ZMYM2: variants seen among roughly 807,000 people sequenced by gnomAD.
The protein encoded by ZMYM2 is zinc finger MYM-type protein 2.
In ZMYM2, 56 loss-of-function variants were observed where a neutral mutation model predicts 162.8. The ratio of observed to expected loss-of-function variants is 0.34; its 90% CI spans 0.28 to 0.43. The LOEUF (loss-of-function observed/expected upper bound fraction) is 0.43. ZMYM2 is among the 20% of genes least tolerant of loss of function. The pLI is 1.00. For missense variants in ZMYM2, 1,275 were observed against 1,621.8 expected (o/e 0.79, Z 3.67); for synonymous variants, 510 against 541.6 (o/e 0.94, Z 0.81).
intron 2 of ZMYM2, among the ~76,000 whole-genome samples, chr13:19,988,926 TC>T (rs1370722182): frequency 1.3e-5 from 2 of 152,244 alleles, no homozygotes; most frequent in African/African-American, 2.4e-5. Flanking sequence ...TATATCATCT[TC>T]CGCTAAGATG....
At chr13:19,908,054 A>G in the ZMYM2 span, among the ~76,000 whole-genome samples, 1 of 152,118 alleles carries the variant, frequency 6.6e-6, no homozygotes, top group Non-Finnish European at 1.5e-5. Context: ...ATGTGAGGCC[A>G]AGGCAGGTGG....
At chr13:20,068,558 CAT>C (rs981918704) in intron 21 of ZMYM2, among the ~76,000 whole-genome samples, 12 of 152,090 alleles carry the variant, frequency 7.9e-5, no homozygotes, top group African/African-American at 1.9e-4. Context: ...AATTCCAAAA[CAT>C]GTGACTCCAG....
the ZMYM2 span, among the ~76,000 whole-genome samples, chr13:19,907,328 A>T: frequency 6.6e-6 from 1 of 152,136 alleles, no homozygotes; most frequent in Non-Finnish European, 1.5e-5. Context: ...TTTGTATGAG[A>T]TGATATGGCA....
chr13:20,081,688 C>A (rs1356407817), intron 21 of ZMYM2, among the ~76,000 whole-genome samples: 1 of 151,802 alleles, frequency 6.6e-6, no homozygotes, highest in Non-Finnish European at 1.5e-5. Context: ...TTAAAATTTA[C>A]ATTTTTCTTC....
chr13:20,017,424 C>T (rs1010909806), intron 6 of ZMYM2, among the ~76,000 whole-genome samples: 1 of 152,070 alleles, frequency 6.6e-6, no homozygotes, highest in African/African-American at 2.4e-5. Context: ...CTTTGGTTTT[C>T]AGAAATTTGA....
rs1953751436 is a variant in ZMYM2, at chr13:20,036,841, C to T, written c.2224C>T (p.Leu742Phe). 5 of 1,610,474 alleles carry T rather than the reference C, an allele frequency of 3.1e-6. No homozygotes were observed. The highest frequency in any genetic ancestry group is 1.3e-5 in the African/African-American group (1 of 74,840). The part of the protein sequence containing the change: ...QLCKKGATKE[L>F]DGVVRDFCSE... ...ATGTAAGAAGGGAGCAACTAAAGAA[C>T]TCGATGGTGTTGTGAGAGATTTCTG... Residue 742 changes from leucine (L) to phenylalanine (F), a missense_variant, in exon 12 of 25, where the codon CTC becomes TTC. Physicochemically the swap from Leu to Phe is conservative, Grantham distance 22 (BLOSUM62 0). Around this residue, in one of 10 missense-constraint regions of ZMYM2, gnomAD observed 177 missense variants for 228.0 expected, o/e 0.78. Coordinates refer to ENST00000610343, the MANE Select transcript of ZMYM2 (RefSeq NM_197968.4).
chr13:20,032,595 C>CTTTTTTTTTTTTTTT (rs1566350627), intron 10 of ZMYM2, among the ~76,000 whole-genome samples: 1 of 96,380 alleles, frequency 1.0e-5, no homozygotes, highest in Non-Finnish European at 2.2e-5. Flanking sequence ...GATTTTTTTT[C>CTTTTTTTTTTTTTTT]TGTCTTTTTT....
At chr13:20,078,969 A>G (rs970983616) in intron 21 of ZMYM2, among the ~76,000 whole-genome samples, 11 of 151,924 alleles carry the variant, frequency 7.2e-5, no homozygotes, top group Non-Finnish European at 1.3e-4. Flanking sequence ...AAAGAAATCT[A>G]AGTGAAATGA....
chr13:20,060,924 A>G (rs1366130710), intron 16 of ZMYM2, 129 bp from the exon 17 acceptor site: 2 of 835,940 alleles, frequency 2.4e-6, no homozygotes, highest in Admixed American at 2.9e-5. Context: ...TTAGTTTTGT[A>G]TGTGTTCTTT....
the ZMYM2 span, among the ~76,000 whole-genome samples, chr13:19,920,037 G>A: frequency 6.6e-6 from 1 of 152,192 alleles, no homozygotes; most frequent in South Asian, 2.1e-4. Context: ...TCGAACTCCT[G>A]GGCTCAAGCA....
intron 2 of ZMYM2, among the ~76,000 whole-genome samples, chr13:19,984,753 A>T (rs1168804602): frequency 6.6e-6 from 1 of 152,244 alleles, no homozygotes; most frequent in Non-Finnish European, 1.5e-5. Flanking sequence ...ACAGTCTATG[A>T]TTTTAAGATA....
chr13:19,888,426 T>C, the ZMYM2 span, among the ~76,000 whole-genome samples: 1 of 151,912 alleles, frequency 6.6e-6, no homozygotes, highest in Non-Finnish European at 1.5e-5. Context: ...TAGGCTCAAA[T>C]GATCCTCCTG....
At chr13:19,883,833 G>C in the ZMYM2 span, among the ~76,000 whole-genome samples, 1 of 151,968 alleles carries the variant, frequency 6.6e-6, no homozygotes, top group Non-Finnish European at 1.5e-5. Context: ...CTCGCCTCAC[G>C]GCAACCCCCA....
intron 7 of ZMYM2, 102 bp downstream of exon 7, chr13:20,019,720 A>T: frequency 9.1e-7 from 1 of 1,094,012 alleles, no homozygotes; most frequent in South Asian, 1.5e-5. Flanking sequence ...TTTGAAATAT[A>T]TTAAAATTTC....
At chr13:19,974,959 T>C (rs1956656160) in intron 2 of ZMYM2, among the ~76,000 whole-genome samples, 1 of 152,168 alleles carries the variant, frequency 6.6e-6, no homozygotes, top group Admixed American at 6.6e-5. Context: ...TTGGTGGCCT[T>C]TCAGAATTTA....
intron 2 of ZMYM2, among the ~76,000 whole-genome samples, chr13:19,963,960 T>TA (rs1455896472): frequency 2.6e-5 from 4 of 152,326 alleles, no homozygotes; most frequent in African/African-American, 9.6e-5. Context: ...TTAGAAGTAA[T>TA]AAATTTTAAG....
At chr13:20,021,697 T>C (rs1226257232) in intron 7 of ZMYM2, among the ~76,000 whole-genome samples, 1 of 152,154 alleles carries the variant, frequency 6.6e-6, no homozygotes, top group African/African-American at 2.4e-5. Context: ...CTCCTGGCCA[T>C]GTGTGTTCTT....
intron 14 of ZMYM2, among the ~76,000 whole-genome samples, chr13:20,056,968 A>C (rs1955845201): frequency 6.6e-6 from 1 of 152,122 alleles, no homozygotes; most frequent in Admixed American, 6.5e-5. Context: ...CACTGTCAAC[A>C]AGGCACAAGA....
At position 19,993,373 on chromosome 13, in the gene ZMYM2, C is replaced by T; in HGVS notation, c.301C>T (p.Pro101Ser). Reference protein sequence around the residue: ...ELQGNDSKITPSSKELASQKG... With the variant: ...ELQGNDSKITSSSKELASQKG... ...ACAAGGAAATGATTCCAAAATTACT[C>T]CTTCCTCAAAAGAGTTGGCATCTCA... Residue 101 changes from proline to serine, a missense_variant, in exon 3 of 25, where the codon CCT becomes TCT. Around this residue, in one of 10 missense-constraint regions of ZMYM2, gnomAD observed 295 missense variants for 286.7 expected, o/e 1.03. Transcript: ENST00000610343. 1.2e-6 allele frequency: 2 copies of T among 1,613,656 alleles called. No individual in the cohort carries two copies.
Sources: gnomAD v4.1 joint callset for allele counts (sites outside exome capture counted in the v4.1 genomes callset) on GRCh38, gnomAD v4.1.1 for gene constraint, gnomAD v4.1.1 regional missense constraint, MANE v1.5 for transcripts, NCBI Gene and HGNC (gene_info 2026-07-23, HGNC 2026-07-21) for gene names.